The following NCOR1 variants were observed in gnomAD, a reference collection of about 807,000 sequenced individuals.
NCOR1 encodes protein phosphatase 1, regulatory subunit 109.
NCOR1 carries 63 observed loss-of-function variants against 288.1 expected under a neutral mutation model. The ratio of observed to expected loss-of-function variants is 0.22; its 90% CI spans 0.18 to 0.27. The LOEUF is 0.27. Ranked by LOEUF, NCOR1 falls within the 10% of genes least tolerant of loss-of-function variation. The probability of loss-of-function intolerance (pLI) is 1.00; values close to 1 mark genes in which losing one functional copy is unlikely to be tolerated. For missense variants in NCOR1, 2,397 were observed against 3,019.2 expected (o/e 0.79, Z 4.83); for synonymous variants, 1,007 against 1,065.9 (o/e 0.94, Z 1.08).
intron 40 of NCOR1, among the ~76,000 whole-genome samples, chr17:16,054,070 T>TAAAAAAAAAAAAA (rs752015595): frequency 2.8e-5 from 2 of 72,110 alleles, no homozygotes; most frequent in Non-Finnish European, 6.5e-5. Context: ...GACTTAAATG[T>TAAAAAAAAAAAAA]AAAAAAAAAA....
intron 1 of NCOR1, among the ~76,000 whole-genome samples, chr17:16,212,373 G>C (rs1011592465): frequency 1.3e-5 from 2 of 152,148 alleles, no homozygotes; most frequent in African/African-American, 4.8e-5. Flanking sequence ...TTAGTAGTGT[G>C]CCAGAACATA....
chr17:16,154,225 G>T (rs1047821608), intron 6 of NCOR1, among the ~76,000 whole-genome samples: 13 of 151,704 alleles, frequency 8.6e-5, no homozygotes, highest in Non-Finnish European at 1.6e-4. Flanking sequence ...CCAGACCAAA[G>T]TGTTACCTAG....
At chr17:16,143,447 C>T (rs1263513994) in intron 11 of NCOR1, among the ~76,000 whole-genome samples, 159 bp downstream of exon 11, 1 of 152,202 alleles carries the variant, frequency 6.6e-6, no homozygotes, top group South Asian at 2.1e-4. Flanking sequence ...GTGACTGCCT[C>T]GTTTAAAAAC....
At chr17:16,064,848 G>A (rs755235291) in intron 34 of NCOR1, 22 bp downstream of exon 34, 1 of 1,576,052 alleles carries the variant, frequency 6.3e-7, no homozygotes, top group Non-Finnish European at 8.6e-7. Flanking sequence ...TATTAGAGAG[G>A]TGTGTAACTG....
At chr17:16,082,326 AG>A (rs2063533701) in intron 23 of NCOR1, among the ~76,000 whole-genome samples, 2 of 152,204 alleles carry the variant, frequency 1.3e-5, no homozygotes, top group Admixed American at 1.3e-4. Context: ...GAAACAGAGC[AG>A]GGAACAGAAA....
intron 42 of NCOR1, chr17:16,044,443 A>G (rs1284281970): frequency 2.1e-6 from 1 of 471,974 alleles, no homozygotes; most frequent in Non-Finnish European, 4.4e-6. Flanking sequence ...TTCTTTTGAC[A>G]GGATCAGGAG....
chr17:16,153,359 G>C lies in NCOR1; in HGVS notation c.769C>G (p.Leu257Val), dbSNP rs2153390463. The part of the protein sequence containing the change: ...AEEAHKIFEG[L>V]GPKVELPLYN... The stretch of plus-strand genomic sequence containing the variant: ...CTTACCAGTTCAACTTTTGGGCCAA[G>C]ACCTTCAAAAATTTTATGAGCTTCT... Residue 257 changes from leucine (L) to valine (V), a missense_variant, in exon 7 of 46, where the codon CTT becomes GTT. By Grantham distance (32) the Leu-to-Val change is conservative. This residue lies in a region of NCOR1 where 76 missense variants were observed against 102.2 expected (regional missense o/e 0.74). Coordinates refer to ENST00000268712, the MANE Select transcript of NCOR1 (RefSeq NM_006311.4). 1 of 1,599,480 alleles carries C rather than the reference G, an allele frequency of 6.3e-7. No individual in the cohort carries two copies. The highest frequency in any genetic ancestry group is 8.5e-7 in the Non-Finnish European group (1 of 1,172,544).
chr17:16,074,556 G>A (rs905202492), intron 27 of NCOR1, among the ~76,000 whole-genome samples: 51 of 152,300 alleles, frequency 3.3e-4, no homozygotes, highest in African/African-American at 1.2e-3. Context: ...AAAGGAGAGT[G>A]AAATAAGAAT....
rs745660317 is a variant in NCOR1, at chr17:16,039,592, T to C, written c.6796A>G (p.Ile2266Val). The change falls in exon 44 of 46, where the codon ATT becomes GTT. Residue 2266 changes from isoleucine (I) to valine (V), a missense_variant. Physicochemically the swap from Ile to Val is conservative, Grantham distance 29. Around this residue, in one of 11 missense-constraint regions of NCOR1, gnomAD observed 1,872 missense variants for 2,187.8 expected, o/e 0.86. Coordinates refer to ENST00000268712, the MANE Select transcript of NCOR1 (RefSeq NM_006311.4). ...DPASNLGLED[I>V]IRKALMGSFD... The stretch of plus-strand genomic sequence containing the variant: ...CTTCCCATGAGAGCCTTCCTGATAA[T>C]GTCTTCCAGCCCAAGATTACTGGCA... 1.2e-6 allele frequency: 2 copies of C among 1,614,160 alleles called. No individual in the cohort carries two copies. The highest frequency in any genetic ancestry group is 1.1e-5 in the South Asian group (1 of 91,086).
At chr17:16,202,455 C>T (rs7212326) in intron 1 of NCOR1, among the ~76,000 whole-genome samples, 8,336 of 150,674 alleles carry the variant, frequency 0.055, 303 homozygotes, top group African/African-American at 0.11. Context: ...TGACTACATG[C>T]CAATTCCCTC....
Position 16,127,321 on chromosome 17 carries a change from ATATG to A in NCOR1, c.1510-1119_1510-1116del, listed in dbSNP as rs1217771521. ...TGTATGTATATATACATGTATGTAT[ATATG>A]TATGTATATATACATGTATGTATAT... On this transcript the variant is annotated intron_variant, in intron 14 of 45. Transcript: ENST00000268712. 1.0e-4 allele frequency among the ~76,000 whole-genome samples: 10 copies of A among 96,148 alleles called. 5 individuals are homozygous for A. The highest frequency in any genetic ancestry group is 2.1e-4 in the Non-Finnish European group (10 of 46,626). 63.1% of individuals were successfully genotyped at this position (96,148 alleles called of 152,430 possible). A position where few individuals can be genotyped will look rare whatever the true frequency, so the allele number is the denominator to read the frequency against.
chr17:16,157,896 G>C (rs548909459), intron 6 of NCOR1, among the ~76,000 whole-genome samples: 51 of 150,460 alleles, frequency 3.4e-4, no homozygotes, highest in Non-Finnish European at 6.1e-4. Context: ...CTGAATCCAT[G>C]AATATTTTTA....
chr17:16,119,965 G>T (rs1356166837), intron 16 of NCOR1, among the ~76,000 whole-genome samples: 1 of 152,008 alleles, frequency 6.6e-6, no homozygotes, highest in African/African-American at 2.4e-5. Flanking sequence ...AACTGAATAT[G>T]TTCTCTTTTG....
At chr17:16,080,819 TTA>T in intron 23 of NCOR1, 92 bp from the exon 24 acceptor site, 1 of 1,256,198 alleles carries the variant, frequency 8.0e-7, no homozygotes, top group Non-Finnish European at 1.1e-6. Flanking sequence ...CCATTTCTGT[TTA>T]AAAAAAAAAA....
rs1337668798 is a variant in NCOR1, at chr17:16,199,216, A to AAAAAC, written c.-70-4578_-70-4577insGTTTT. Among the ~76,000 whole-genome samples the AAAAAC allele has an allele frequency of 1.3e-3, 162 of 122,294 alleles. 1 individual carries two copies. The highest frequency in any genetic ancestry group is 1.7e-3 in the African/African-American group (51 of 30,696). The allele number at this position is 122,294 out of a possible 152,430, so 80.2% of individuals were successfully genotyped here. A position where few individuals can be genotyped will look rare whatever the true frequency, so the allele number is the denominator to read the frequency against. On this transcript the variant is annotated intron_variant, in intron 1 of 45. Coordinates refer to ENST00000268712, the MANE Select transcript of NCOR1 (RefSeq NM_006311.4). ...CCCAATACAGAAGGAAAAAAAAAAA[A>AAAAAC]ACACACACACACACACACACACACA...
intron 14 of NCOR1, among the ~76,000 whole-genome samples, chr17:16,132,699 T>C (rs866641544): frequency 7.2e-5 from 11 of 152,184 alleles, no homozygotes; most frequent in South Asian, 2.1e-4. Flanking sequence ...TTAAAACTCA[T>C]TTTCAGAGTA....
rs970882438 is a variant in NCOR1, at chr17:16,186,639, C to A, written c.157G>T (p.Ala53Ser). 6.2e-7 allele frequency: 1 copy of A among 1,613,984 alleles called. No homozygotes were observed. Among genetic ancestry groups the A allele is most frequent in the South Asian group, 1.1e-5 (1 of 91,070 alleles). Residue 53 changes from alanine to serine, a missense_variant, in exon 3 of 46, where the codon GCA (alanine) becomes TCA (serine). By Grantham distance (99) the Ala-to-Ser change is moderately conservative. This residue lies in a region of NCOR1 where 55 missense variants were observed against 69.6 expected (regional missense o/e 0.79). Coordinates refer to ENST00000268712, the MANE Select transcript of NCOR1 (RefSeq NM_006311.4). ...TGCTGTTGCTGCAAAAGCTGTGATG[C>A]CTGACTCACTTCAAGATGAGAGGAA... ...YRSSHLEVSQ[A>S]SQLLQQQQQQ...
intron 20 of NCOR1, among the ~76,000 whole-genome samples, 181 bp downstream of exon 20, chr17:16,101,069 G>GTTTGTGGTTATTTA (rs1461463514): frequency 1.2e-4 from 18 of 152,210 alleles, no homozygotes; most frequent in Non-Finnish European, 1.9e-4. Flanking sequence ...TCATTAAAAT[G>GTTTGTGGTTATTTA]ATCATACAAT....
rs1162348245 is a variant in NCOR1 at position 16,034,775 on chromosome 17, G to C, written c.7125C>G (p.Pro2375=). 1 of 1,612,308 alleles carries C rather than the reference G, an allele frequency of 6.2e-7. No homozygotes were observed. The change falls in exon 45 of 46, where the codon CCC becomes CCG. Residue 2375 remains proline (P), a synonymous_variant. Coordinates refer to ENST00000268712, the MANE Select transcript of NCOR1 (RefSeq NM_006311.4). ...AAGCAGAATCCTTACCTGTTGAAGA[G>C]GGCCTGTCTTCCCAGGCCCACCCTG... The part of the protein sequence containing the change: ...QTPGWAWEDR[P]SSTGSTQFPY...
Sources: allele counts gnomAD v4.1 joint callset (sites outside exome capture counted in the v4.1 genomes callset), GRCh38; gene constraint gnomAD v4.1.1; regional missense constraint gnomAD v4.1.1; transcripts MANE v1.5; gene names NCBI Gene and HGNC (gene_info 2026-07-23, HGNC 2026-07-21).